Variants in ARHGAP22 observed in about 807,000 individuals in gnomAD.
ARHGAP22 encodes the protein Rho GTPase activating protein 22.
ARHGAP22 carries 48 observed loss-of-function variants against 59.1 expected under a neutral mutation model. The observed-to-expected ratio is 0.81, with a 90% confidence interval of 0.64 to 1.03. The LOEUF (loss-of-function observed/expected upper bound fraction) is 1.03. Ranked by LOEUF, ARHGAP22 falls within the 50% of genes least tolerant of loss-of-function variation. The pLI, the probability that ARHGAP22 is intolerant of heterozygous loss-of-function variation, is 0.00. For synonymous variants in ARHGAP22, 445 were observed against 416.4 expected, an observed-to-expected ratio of 1.07 and a Z score of -0.84; for missense variants, 1,015 against 958.7, an observed-to-expected ratio of 1.06 and a Z score of -0.78.
At chr10:48,579,222 C>A (rs1306565467) in intron 2 of ARHGAP22, among the ~76,000 whole-genome samples, 1 of 152,050 alleles carries the variant, frequency 6.6e-6, no homozygotes, top group Middle Eastern at 3.4e-3. Context: ...TGTTCCATTT[C>A]AATTCAAAGC....
chr10:48,595,728 C>T (rs982596691), intron 1 of ARHGAP22, among the ~76,000 whole-genome samples: 2 of 152,066 alleles, frequency 1.3e-5, no homozygotes, highest in African/African-American at 4.8e-5. Flanking sequence ...CTATGTTGCC[C>T]AGGCTGGTCT....
At chr10:48,601,931 G>C (rs1194334687) in intron 1 of ARHGAP22, among the ~76,000 whole-genome samples, 3 of 152,164 alleles carry the variant, frequency 2.0e-5, no homozygotes, top group African/African-American at 4.8e-5. Flanking sequence ...GAGATGTACA[G>C]GGCCAGGTGC....
intron 1 of ARHGAP22, among the ~76,000 whole-genome samples, chr10:48,617,166 C>A (rs1158427323): frequency 6.6e-6 from 1 of 151,842 alleles, no homozygotes; most frequent in East Asian, 1.9e-4. Flanking sequence ...AATATGATCC[C>A]CTATGCACTC....
Position 48,450,789 on chromosome 10 carries a change from G to A in ARHGAP22, c.1340C>T (p.Ser447Leu), listed in dbSNP as rs374487796. 7.6e-5 allele frequency: 120 copies of A among 1,569,412 alleles called. No homozygotes were observed. In the East Asian group the frequency reaches 8.2e-4, roughly 11 times the overall value. The change falls in exon 9 of 10, where the codon TCA becomes TTA. Residue 447 changes from serine (S) to leucine (L), a missense_variant. Coordinates refer to ENST00000249601, the MANE Select transcript of ARHGAP22 (RefSeq NM_021226.4). ...SLSGSPKGGG[S>L]SLEVPIISSG... The stretch of plus-strand genomic sequence containing the variant: ...GGAGATGATGGGCACCTCCAGGGAT[G>A]AGCCGCCCCCCTTCGGGCTTCCCGA...
upstream of ARHGAP22, among the ~76,000 whole-genome samples, chr10:48,653,207 C>T (rs2062631080): frequency 6.6e-6 from 1 of 152,242 alleles, no homozygotes; most frequent in African/African-American, 2.4e-5. Context: ...GCTTGCATCA[C>T]ATTTATTGAT....
chr10:48,614,943 T>A (rs2061024470), intron 1 of ARHGAP22, among the ~76,000 whole-genome samples: 1 of 152,264 alleles, frequency 6.6e-6, no homozygotes, highest in Non-Finnish European at 1.5e-5. Flanking sequence ...AGCAGATATC[T>A]GTGGAATTTT....
chr10:48,477,175 ATTTC>A (rs1201576012), intron 4 of ARHGAP22, among the ~76,000 whole-genome samples: 1 of 152,020 alleles, frequency 6.6e-6, no homozygotes, highest in African/African-American at 2.4e-5. Flanking sequence ...CATAGCATTC[ATTTC>A]TTTGCTTTTC....
chr10:48,465,524 G>C (rs930288610), intron 4 of ARHGAP22, among the ~76,000 whole-genome samples: 1 of 152,234 alleles, frequency 6.6e-6, no homozygotes, highest in Non-Finnish European at 1.5e-5. Flanking sequence ...CAAGTGCTTT[G>C]AAATGCGGCT....
At chr10:48,640,035 A>G (rs1455755797) in intron 1 of ARHGAP22, among the ~76,000 whole-genome samples, 3 of 152,222 alleles carry the variant, frequency 2.0e-5, no homozygotes, top group Non-Finnish European at 4.4e-5. Flanking sequence ...AATATTTAAA[A>G]CCAAATGGAA....
chr10:48,620,198 G>T (rs76446707), intron 1 of ARHGAP22, among the ~76,000 whole-genome samples: 8,311 of 152,094 alleles, frequency 0.055, 730 homozygotes, highest in African/African-American at 0.19. Flanking sequence ...AGTTTATTGG[G>T]TTGGAGCACA....
intron 3 of ARHGAP22, among the ~76,000 whole-genome samples, chr10:48,505,434 T>C (rs1308340467): frequency 1.3e-5 from 2 of 152,130 alleles, no homozygotes; most frequent in Non-Finnish European, 2.9e-5. Context: ...ATCCCCACCA[T>C]GAGACCACGT....
At chr10:48,623,746 G>A (rs1292360385) in intron 1 of ARHGAP22, among the ~76,000 whole-genome samples, 3 of 152,216 alleles carry the variant, frequency 2.0e-5, no homozygotes, top group African/African-American at 7.2e-5. Context: ...CAGGTCTGGG[G>A]TTGGCATGGA....
At chr10:48,517,819 G>A (rs1226743439) in intron 3 of ARHGAP22, among the ~76,000 whole-genome samples, 1 of 152,190 alleles carries the variant, frequency 6.6e-6, no homozygotes, top group Non-Finnish European at 1.5e-5. Flanking sequence ...CAAAGTTCAA[G>A]CCACCAGTGA....
chr10:48,571,088 T>C (rs572598600), intron 2 of ARHGAP22, among the ~76,000 whole-genome samples: 4 of 152,286 alleles, frequency 2.6e-5, no homozygotes, highest in African/African-American at 9.6e-5. Flanking sequence ...ACTTTTGACT[T>C]TTGGAGTTGA....
intron 4 of ARHGAP22, among the ~76,000 whole-genome samples, chr10:48,477,921 C>G (rs573548278): frequency 4.2e-4 from 64 of 152,306 alleles, no homozygotes; most frequent in African/African-American, 1.5e-3. Flanking sequence ...TATAGCTTAT[C>G]TTTTCATTTT....
the ARHGAP22 span, among the ~76,000 whole-genome samples, chr10:48,433,338 G>A: frequency 4.6e-5 from 7 of 152,156 alleles, no homozygotes; most frequent in Non-Finnish European, 1.5e-5. Context: ...ATATGTTGGA[G>A]CCCTTTTATG....
intron 8 of ARHGAP22, 90 bp downstream of exon 8, chr10:48,453,214 G>A (rs553665312): frequency 6.3e-7 from 1 of 1,581,936 alleles, no homozygotes; most frequent in East Asian, 2.3e-5. Flanking sequence ...GCCTGGCCCT[G>A]GGCTGGGATG....
At chr10:48,645,021 G>T (rs1310903016) in intron 1 of ARHGAP22, among the ~76,000 whole-genome samples, 1 of 152,062 alleles carries the variant, frequency 6.6e-6, no homozygotes, top group East Asian at 1.9e-4. Flanking sequence ...AAATGGAAAA[G>T]CCTTTATCTG....
At chr10:48,490,831 C>T (rs1377400008) in intron 3 of ARHGAP22, among the ~76,000 whole-genome samples, 1 of 152,226 alleles carries the variant, frequency 6.6e-6, no homozygotes, top group Admixed American at 6.5e-5. Context: ...TCTGCCTACA[C>T]CCTCTGCTCT....
Sources: gnomAD v4.1 joint callset for allele counts (sites outside exome capture counted in the v4.1 genomes callset) on GRCh38, gnomAD v4.1.1 for gene constraint, MANE v1.5 for transcripts, NCBI Gene and HGNC (gene_info 2026-07-23, HGNC 2026-07-21) for gene names.